The following PTPN18 variants were observed in gnomAD, a reference collection of about 807,000 sequenced individuals.
PTPN18 encodes protein tyrosine phosphatase non-receptor type 18, also known as tyrosine-protein phosphatase non-receptor type 18.
A neutral mutation model predicts 65.4 loss-of-function variants in PTPN18; 65 were observed. The observed-to-expected ratio is 0.99, with a 90% confidence interval of 0.81 to 1.22. The LOEUF is 1.22. Among genes scored for constraint, PTPN18 ranks in the 50% most tolerant of loss-of-function variants. The probability of loss-of-function intolerance (pLI) is 0.00; values close to 1 mark genes in which losing one functional copy is unlikely to be tolerated. For missense variants in PTPN18, 616 were observed against 646.5 expected (o/e 0.95, Z 0.51); for synonymous variants, 255 against 267.8 (o/e 0.95, Z 0.47).
In PTPN18 at chr2:130,370,559, C is replaced by T. The variant is rs370182721; in HGVS notation, c.692C>T (p.Ala231Val). The T allele has an allele frequency of 1.9e-5, 30 of 1,613,978 alleles. No individual in the cohort carries two copies. In the African/African-American group the frequency reaches 2.7e-4, roughly 14 times the overall value. The change falls in exon 9 of 15, where the codon GCG (alanine) becomes GTG (valine). Residue 231 changes from alanine to valine, a missense_variant and splice_region_variant. Ala to Val is a moderately conservative substitution (Grantham distance 64). This residue lies in a region of PTPN18 where 368 missense variants were observed against 386.7 expected (regional missense o/e 0.95). Transcript: ENST00000175756. ...GCACACTCTGATTCTCTTGTCAGTG[C>T]GGGTTGTGGGCGAACAGGCGTCCTG... ...GPEPLCVHCSAGCGRTGVLCT... is the reference protein window; with the variant it reads ...GPEPLCVHCSVGCGRTGVLCT...
intron 5 of PTPN18, among the ~76,000 whole-genome samples, chr2:130,361,627 A>G (rs79175580): frequency 0.29 from 43,245 of 146,716 alleles, 7,902 homozygotes; most frequent in African/African-American, 0.53. Context: ...TTCCCTCGTC[A>G]CCCAGGCTGG....
intron 5 of PTPN18, among the ~76,000 whole-genome samples, chr2:130,364,242 G>C (rs773590009): frequency 2.6e-5 from 4 of 151,910 alleles, no homozygotes; most frequent in Non-Finnish European, 4.4e-5. Flanking sequence ...CCATTTCCAG[G>C]TAACCTCTAT....
chr2:130,361,559 TTTCTTTC>T (rs1680212076), intron 5 of PTPN18, among the ~76,000 whole-genome samples: 2 of 137,200 alleles, frequency 1.5e-5, no homozygotes, highest in Admixed American at 7.4e-5. Context: ...TCTTTCTTTC[TTTCTTTC>T]CTTTCTTTCC....
chr2:130,373,360 G>A lies in PTPN18; in HGVS notation c.*136G>A, dbSNP rs1375975455. 2 of 955,164 alleles carry A rather than the reference G, an allele frequency of 2.1e-6. No homozygotes were observed. The allele number at this position is 955,164 out of a possible 1,614,324, so 59.2% of individuals were successfully genotyped here. ...AGTTTCTCAGGGTGGGAAATGTGGGGGCTTTGCCCCAATGACTGTAGCATT... is the reference window on the plus strand; with the variant it reads ...AGTTTCTCAGGGTGGGAAATGTGGGAGCTTTGCCCCAATGACTGTAGCATT... On this transcript the variant is annotated 3_prime_UTR_variant, in exon 15 of 15. Transcript: ENST00000175756. This position sits in a 1 kb window ranked among gnomAD's most constrained non-coding sequence, Gnocchi z 4.1.
chr2:130,367,312 G>A (rs770458362), intron 5 of PTPN18, among the ~76,000 whole-genome samples: 1 of 152,048 alleles, frequency 6.6e-6, no homozygotes, highest in Non-Finnish European at 1.5e-5. Flanking sequence ...CTGACAAAAT[G>A]TTGCTATAAT....
In PTPN18 at chr2:130,373,260, G is replaced by C; in HGVS notation, c.*36G>C. ...AGTTCCTGCCTGTTGCCTCTTGTGA[G>C]CTCGGACTGCTGATGCCCCGGTGCT... On this transcript the variant is annotated 3_prime_UTR_variant, in exon 15 of 15. Transcript: ENST00000175756. The surrounding 1 kb of genome is among the most constrained non-coding windows in gnomAD (Gnocchi z 4.1). The C allele has an allele frequency of 6.6e-7, 1 of 1,524,202 alleles. No individual in the cohort carries two copies. The highest frequency in any genetic ancestry group is 8.8e-7 in the Non-Finnish European group (1 of 1,133,574). The allele number at this position is 1,524,202 out of a possible 1,614,324, so 94.4% of individuals were successfully genotyped here. A position where few individuals can be genotyped will look rare whatever the true frequency, so the allele number is the denominator to read the frequency against.
rs777332509 is a variant in PTPN18 at position 130,359,667 on chromosome 2, G to C, written c.414+21G>C. 1.7e-5 allele frequency: 27 copies of C among 1,612,256 alleles called. No individual in the cohort carries two copies. The Admixed American group carries it at 4.3e-4, about 26-fold the overall frequency. On this transcript the variant is annotated intron_variant, in intron 5 of 14. Transcript: ENST00000175756. ...GGCGGGTAGGTGCCCTCTGCCCCCA[G>C]GTTTCATGTCCTTGTGGGAGGAGGG...
At chr2:130,370,441 G>T in intron 8 of PTPN18, 116 bp from the exon 9 acceptor site, 4 of 1,263,144 alleles carry the variant, frequency 3.2e-6, no homozygotes, top group Non-Finnish European at 4.6e-6. Context: ...GAAGATTCTG[G>T]GAATCAAGAG....
chr2:130,361,875 ACCG>A (rs1680227476), intron 5 of PTPN18, among the ~76,000 whole-genome samples: 1 of 152,108 alleles, frequency 6.6e-6, no homozygotes, highest in Admixed American at 6.5e-5. Context: ...GGCATGAGCC[ACCG>A]CCCTCGGCCT....
chr2:130,368,430 G>A (rs1680454659), intron 5 of PTPN18, among the ~76,000 whole-genome samples: 1 of 152,122 alleles, frequency 6.6e-6, no homozygotes, highest in South Asian at 2.1e-4. Context: ...GTCATTCTAG[G>A]TTCCCTACTA....
chr2:130,365,191 C>G (rs1235415181), intron 5 of PTPN18, among the ~76,000 whole-genome samples: 1 of 152,222 alleles, frequency 6.6e-6, no homozygotes, highest in Non-Finnish European at 1.5e-5. Flanking sequence ...GTGTCAATAT[C>G]AAGTGCCATG....
Position 130,370,416 on chromosome 2 carries a change from G to A in PTPN18, c.690-141G>A, listed in dbSNP as rs190110636. The A allele has an allele frequency of 8.5e-6, 10 of 1,177,076 alleles. No individual in the cohort carries two copies. The Admixed American group carries it at 2.0e-4, about 23-fold the overall frequency. 72.9% of individuals were successfully genotyped at this position (1,177,076 alleles called of 1,614,324 possible). The stretch of plus-strand genomic sequence containing the variant: ...GTAAGTGATTAAAAAGGTTTTCCTT[G>A]TTCAGATATAATCTGAAGATTCTGG... On this transcript the variant is annotated intron_variant, in intron 8 of 14. Transcript: ENST00000175756.
Position 130,370,093 on chromosome 2 carries a change from C to A in PTPN18, c.592C>A (p.Arg198Ser). The change falls in exon 8 of 15, where the codon CGT (arginine) becomes AGT (serine). Residue 198 changes from arginine (R) to serine (S), a missense_variant. Physicochemically the swap from Arg to Ser is moderately radical, Grantham distance 110. Transcript: ENST00000175756. ...GCTACAGTATATGTCCTGGCCAGACCGTGGGGTCCCCAGCAGTCCTGACCA... is the reference window on the plus strand; with the variant it reads ...GCTACAGTATATGTCCTGGCCAGACAGTGGGGTCCCCAGCAGTCCTGACCA... Reference protein sequence around the residue: ...YQLQYMSWPDRGVPSSPDHML... With the variant: ...YQLQYMSWPDSGVPSSPDHML... 6.2e-7 allele frequency: 1 copy of A among 1,614,120 alleles called. No individual in the cohort carries two copies. The highest frequency in any genetic ancestry group is 8.5e-7 in the Non-Finnish European group (1 of 1,180,028).
intron 5 of PTPN18, among the ~76,000 whole-genome samples, chr2:130,364,494 G>A (rs1368640463): frequency 6.6e-6 from 1 of 152,116 alleles, no homozygotes; most frequent in East Asian, 1.9e-4. Flanking sequence ...TAAATAAGGC[G>A]GCTACAAACA....
intron 1 of PTPN18, chr2:130,356,527 C>G (rs947693326): frequency 2.0e-6 from 1 of 500,062 alleles, no homozygotes; most frequent in South Asian, 1.6e-5. Flanking sequence ...CAGGGGAGGG[C>G]GGGCGGCCCT....
chr2:130,372,611 A>G, intron 13 of PTPN18, 128 bp downstream of exon 13: 2 of 1,216,622 alleles, frequency 1.6e-6, no homozygotes, highest in Admixed American at 2.9e-5. Context: ...CCACGCCCCG[A>G]CGCTGATGTC....
At chr2:130,367,273 T>G (rs986047304) in intron 5 of PTPN18, among the ~76,000 whole-genome samples, 2 of 152,152 alleles carry the variant, frequency 1.3e-5, no homozygotes, top group African/African-American at 4.8e-5. Flanking sequence ...TCAGCATTTT[T>G]AGGATATCAT....
chr2:130,369,429 T>A (rs976239924), intron 6 of PTPN18, among the ~76,000 whole-genome samples: 1 of 152,244 alleles, frequency 6.6e-6, no homozygotes, highest in South Asian at 2.1e-4. Context: ...GTTGAAATTC[T>A]TACTTCTCTT....
chr2:130,366,894 A>C (rs1680402914), intron 5 of PTPN18, among the ~76,000 whole-genome samples: 1 of 151,718 alleles, frequency 6.6e-6, no homozygotes, highest in Admixed American at 6.6e-5. Context: ...TGCAGTCACC[A>C]CTCACTGCAG....
Sources: gnomAD v4.1 joint callset for allele counts (sites outside exome capture counted in the v4.1 genomes callset) on GRCh38, gnomAD v4.1.1 for gene constraint, gnomAD v4.1.1 regional missense constraint, Gnocchi (gnomAD v3.1) non-coding constraint, MANE v1.5 for transcripts, NCBI Gene and HGNC (gene_info 2026-07-23, HGNC 2026-07-21) for gene names.